Variants in SPRR2F observed in about 807,000 individuals in gnomAD.
SPRR2F encodes the protein small proline-rich protein 2F.
In SPRR2F, 2 loss-of-function variants were observed where a neutral mutation model predicts 0.8. That is an observed-to-expected ratio of 2.52 (90% CI 1.03 to 7.95). SPRR2F has a LOEUF of 7.95. SPRR2F is among the 30% of genes most tolerant of loss of function. SPRR2F has a pLI of 0.04. For missense variants in SPRR2F, 80 were observed against 85.8 expected, an observed-to-expected ratio of 0.93 and a Z score of 0.27; for synonymous variants, 39 against 33.4, an observed-to-expected ratio of 1.17 and a Z score of -0.58.
upstream of SPRR2F, among the ~76,000 whole-genome samples, chr1:153,116,833 G>T (rs140163105): frequency 6.6e-6 from 1 of 152,014 alleles, no homozygotes; most frequent in East Asian, 1.9e-4. Context: ...AAATTTGTCC[G>T]ATTATGATGA....
chr1:153,113,862 G>C (rs971413121), upstream of SPRR2F, among the ~76,000 whole-genome samples: 5 of 151,844 alleles, frequency 3.3e-5, no homozygotes, highest in Non-Finnish European at 5.9e-5. Flanking sequence ...AAAACTTCCT[G>C]TCCTGATCCA....
At chr1:153,114,019 TTTTGTTG>T (rs1655665342), upstream of SPRR2F, among the ~76,000 whole-genome samples, 1 of 105,310 alleles carries the variant, frequency 9.5e-6, no homozygotes, top group African/African-American at 4.2e-5. Flanking sequence ...TTTTTTTTTT[TTTTGTTG>T]CTAAGTTGTG....
chr1:153,113,262 C>T (rs1032601683), intron 1 of SPRR2F, among the ~76,000 whole-genome samples: 21 of 152,262 alleles, frequency 1.4e-4, no homozygotes, highest in Admixed American at 1.2e-3. Flanking sequence ...AAAGCTTTCC[C>T]CTTAACTAAC....
the SPRR2F span, among the ~76,000 whole-genome samples, chr1:153,119,101 A>G: frequency 1.3e-5 from 2 of 152,218 alleles, no homozygotes; most frequent in Non-Finnish European, 2.9e-5. Context: ...TAGAACATAT[A>G]CAAAAGGAAA....
At chr1:153,113,109 T>G (rs531754683) in intron 1 of SPRR2F, among the ~76,000 whole-genome samples, 32 of 152,258 alleles carry the variant, frequency 2.1e-4, no homozygotes, top group African/African-American at 7.0e-4. Context: ...AAAATCCCAG[T>G]GGGTTGACAT....
chr1:153,117,886 G>C (rs1655748783), upstream of SPRR2F, among the ~76,000 whole-genome samples: 1 of 151,988 alleles, frequency 6.6e-6, no homozygotes, highest in African/African-American at 2.4e-5. Flanking sequence ...AAAAACTCTG[G>C]AGTGGAAAAG....
chr1:153,114,756 A>G (rs1349842719), upstream of SPRR2F, among the ~76,000 whole-genome samples: 1 of 152,100 alleles, frequency 6.6e-6, no homozygotes, highest in African/African-American at 2.4e-5. Context: ...TCATCTATTC[A>G]TTTTGGTACA....
chr1:153,114,387 G>A (rs368000033), upstream of SPRR2F, among the ~76,000 whole-genome samples: 2 of 152,008 alleles, frequency 1.3e-5, no homozygotes, highest in South Asian at 2.1e-4. Flanking sequence ...TTAAGGAAAC[G>A]GAGAGACATG....
upstream of SPRR2F, among the ~76,000 whole-genome samples, chr1:153,118,060 A>G: frequency 6.6e-6 from 1 of 152,120 alleles, no homozygotes; most frequent in East Asian, 1.9e-4. Context: ...AAATTCATGT[A>G]ACAGATTTCA....
chr1:153,118,125 TA>T (rs1655753905), upstream of SPRR2F, among the ~76,000 whole-genome samples: 1 of 152,120 alleles, frequency 6.6e-6, no homozygotes, highest in Non-Finnish European at 1.5e-5. Context: ...GCTTTATTCA[TA>T]ATTTCCAAGA....
upstream of SPRR2F, among the ~76,000 whole-genome samples, chr1:153,116,797 T>C (rs425060): frequency 0.58 from 88,165 of 151,842 alleles, 25,826 homozygotes; most frequent in Middle Eastern, 0.67. Flanking sequence ...GTCTACTATC[T>C]GAGAGCCAGA....
At chr1:153,118,044 T>G (rs182413889), upstream of SPRR2F, among the ~76,000 whole-genome samples, 1 of 152,166 alleles carries the variant, frequency 6.6e-6, no homozygotes, top group Admixed American at 6.5e-5. Flanking sequence ...TCATCATGAC[T>G]CCTAGAAATT....
rs1482445586 is a variant in SPRR2F at position 153,112,365 on chromosome 1, A to G, written c.*150T>C. 4 of 1,398,328 alleles carry G rather than the reference A, an allele frequency of 2.9e-6. No homozygotes were observed. The highest frequency in any genetic ancestry group is 2.4e-5 in the Admixed American group (1 of 41,152). 86.6% of individuals were successfully genotyped at this position (1,398,328 alleles called of 1,614,324 possible). ...CTCAAAAAGAAAACCTTTTGCTATC[A>G]GAGATCATCACAGGCCGATCACAGG... On this transcript the variant is annotated 3_prime_UTR_variant, in exon 2 of 2. Coordinates refer to ENST00000468739, the MANE Select transcript of SPRR2F (RefSeq NM_001014450.3).
rs751248748 is a variant in SPRR2F at position 153,112,664 on chromosome 1, G to C, written c.70C>G (p.Pro24Ala). 1.9e-6 allele frequency: 3 copies of C among 1,612,446 alleles called. No homozygotes were observed. ...PPPVCPAPKC[P>A]EPCPPPKCPE... The stretch of plus-strand genomic sequence containing the variant: ...CACTTCGGGGGTGGACATGGCTCTG[G>C]GCACTTTGGCGCGGGGCACACAGGA... Residue 24 changes from proline (P) to alanine (A), a missense_variant, in exon 2 of 2, where the codon CCA becomes GCA. Coordinates refer to ENST00000468739, the MANE Select transcript of SPRR2F (RefSeq NM_001014450.3).
At chr1:153,115,298 A>G (rs1655701628), upstream of SPRR2F, among the ~76,000 whole-genome samples, 1 of 152,162 alleles carries the variant, frequency 6.6e-6, no homozygotes, top group Admixed American at 6.5e-5. Context: ...GTCACTTACT[A>G]CTCCCCAACA....
rs750373837 is a variant in SPRR2F at position 153,112,736 on chromosome 1, T to C, written c.-3A>G. The C allele has an allele frequency of 6.2e-7, 1 of 1,611,642 alleles. No homozygotes were observed. On this transcript the variant is annotated 5_prime_UTR_variant, in exon 2 of 2. Coordinates refer to ENST00000468739, the MANE Select transcript of SPRR2F (RefSeq NM_001014450.3). The stretch of plus-strand genomic sequence containing the variant: ...CACTGCTGCTGTTGATAAGACATCC[T>C]GCTGGAGTCTCAGAATCTGAAAGAA...
At chr1:153,118,454 T>A (rs143709738), upstream of SPRR2F, among the ~76,000 whole-genome samples, 27 of 152,218 alleles carry the variant, frequency 1.8e-4, no homozygotes, top group East Asian at 5.0e-3. Flanking sequence ...AGAGAGAATA[T>A]TCAAAGCATC....
chr1:153,117,439 T>C (rs1261087131), upstream of SPRR2F, among the ~76,000 whole-genome samples: 1 of 152,054 alleles, frequency 6.6e-6, no homozygotes, highest in African/African-American at 2.4e-5. Flanking sequence ...TATAAAAATA[T>C]ATAATGTAAT....
the SPRR2F span, among the ~76,000 whole-genome samples, chr1:153,118,840 G>A: frequency 6.6e-6 from 1 of 152,150 alleles, no homozygotes; most frequent in Non-Finnish European, 1.5e-5. Context: ...ATTTTAGCTT[G>A]TAACTCCACT....
Sources: allele counts gnomAD v4.1 joint callset (sites outside exome capture counted in the v4.1 genomes callset), GRCh38; gene constraint gnomAD v4.1.1; transcripts MANE v1.5; gene names NCBI Gene and HGNC (gene_info 2026-07-23, HGNC 2026-07-21).